RGS7: variants seen among roughly 807,000 people sequenced by gnomAD.
RGS7 encodes the protein regulator of G-protein signaling 7.
Under a neutral mutation model 81.1 loss-of-function variants are expected in RGS7, and 27 were observed. The observed-to-expected ratio is 0.33, with a 90% CI of 0.25 to 0.46. The LOEUF is 0.46. Ranked by LOEUF, RGS7 falls within the 20% of genes least tolerant of loss-of-function variation. RGS7 has a pLI of 1.00. For synonymous variants in RGS7, 208 were observed against 207.7 expected, an observed-to-expected ratio of 1.00 and a Z score of -0.01; for missense variants, 396 against 607.4, an observed-to-expected ratio of 0.65 and a Z score of 3.66.
intron 2 of RGS7, among the ~76,000 whole-genome samples, chr1:241,103,571 A>G (rs1420947912): frequency 1.3e-5 from 2 of 152,218 alleles, no homozygotes; most frequent in Non-Finnish European, 2.9e-5. Context: ...AGATGAAGCT[A>G]TTAAATTAAA....
At chr1:240,916,422 C>G (rs185754915) in intron 6 of RGS7, among the ~76,000 whole-genome samples, 19 of 152,140 alleles carry the variant, frequency 1.2e-4, no homozygotes, top group African/African-American at 4.6e-4. Context: ...ATATTTGAAG[C>G]AATAATAACT....
chr1:240,805,327 C>T (rs115673351), intron 15 of RGS7, among the ~76,000 whole-genome samples: 8,197 of 152,128 alleles, frequency 0.054, 720 homozygotes, highest in African/African-American at 0.18. Flanking sequence ...AAGGCTATAG[C>T]GAGCCATGAT....
intron 9 of RGS7, among the ~76,000 whole-genome samples, chr1:240,866,540 A>C (rs1460981426): frequency 1.4e-5 from 2 of 147,710 alleles, no homozygotes; most frequent in African/African-American, 2.5e-5. Context: ...TCAACAAGGG[A>C]GATGGAGCCA....
chr1:240,924,456 T>C (rs1462235968), intron 6 of RGS7, among the ~76,000 whole-genome samples: 1 of 152,316 alleles, frequency 6.6e-6, no homozygotes, highest in Non-Finnish European at 1.5e-5. Context: ...GATAATGCGA[T>C]GTTTTGAACA....
At chr1:241,161,986 G>A (rs1472432404) in intron 2 of RGS7, among the ~76,000 whole-genome samples, 1 of 151,988 alleles carries the variant, frequency 6.6e-6, no homozygotes, top group Non-Finnish European at 1.5e-5. Flanking sequence ...CAAAGTGCTG[G>A]GATTACAGGC....
At chr1:240,800,479 C>A (rs1445913171) in intron 18 of RGS7, among the ~76,000 whole-genome samples, 162 bp downstream of exon 18, 1 of 152,144 alleles carries the variant, frequency 6.6e-6, no homozygotes, top group Non-Finnish European at 1.5e-5. Flanking sequence ...AAGCCATTAT[C>A]TTTGTTGAAT....
intron 9 of RGS7, among the ~76,000 whole-genome samples, chr1:240,827,492 T>G (rs1010099150): frequency 9.2e-5 from 14 of 151,886 alleles, no homozygotes; most frequent in African/African-American, 3.4e-4. Context: ...ACAGACAGAG[T>G]GAGGGCACTC....
In RGS7 at chr1:241,124,658, G is replaced by A. The variant is rs762829839; in HGVS notation, c.79-25896C>T. Among the ~76,000 whole-genome samples the A allele has an allele frequency of 1.5e-4, 23 of 152,236 alleles. 1 individual carries two copies. Among genetic ancestry groups the A allele is most frequent in the Non-Finnish European group, 1.5e-5 (1 of 68,044 alleles). On this transcript the variant is annotated intron_variant, in intron 2 of 18. Transcript: ENST00000440928. ...TTAGAACCATTCTGGGCTTCCTGCA[G>A]AGTGGTGTCTGCTGGGACCTGAATC...
At chr1:241,243,481 G>C (rs548906550) in intron 2 of RGS7, among the ~76,000 whole-genome samples, 1 of 152,264 alleles carries the variant, frequency 6.6e-6, no homozygotes, top group African/African-American at 2.4e-5. Context: ...ATGACTATGG[G>C]GGAGAGAAAT....
intron 4 of RGS7, among the ~76,000 whole-genome samples, chr1:240,951,913 A>G (rs1679627411): frequency 6.6e-6 from 1 of 152,190 alleles, no homozygotes; most frequent in African/African-American, 2.4e-5. Flanking sequence ...CTATAGAGAA[A>G]CAAAAATATG....
At chr1:241,070,852 T>G (rs1463615668) in intron 3 of RGS7, among the ~76,000 whole-genome samples, 1 of 152,174 alleles carries the variant, frequency 6.6e-6, no homozygotes, top group Non-Finnish European at 1.5e-5. Context: ...GAATCCACCA[T>G]AAGAACATGA....
At chr1:240,904,064 G>A (rs746763878) in intron 6 of RGS7, among the ~76,000 whole-genome samples, 5 of 152,130 alleles carry the variant, frequency 3.3e-5, no homozygotes, top group Non-Finnish European at 5.9e-5. Context: ...TAATTACAAC[G>A]GTGGCATCTG....
At chr1:241,117,381 A>G (rs1189320335) in intron 2 of RGS7, among the ~76,000 whole-genome samples, 1 of 152,168 alleles carries the variant, frequency 6.6e-6, no homozygotes, top group African/African-American at 2.4e-5. Context: ...TCTATATGGC[A>G]GTTGTTGAAA....
chr1:241,256,871 T>C (rs2077072774), intron 2 of RGS7, among the ~76,000 whole-genome samples: 1 of 151,894 alleles, frequency 6.6e-6, no homozygotes, highest in Non-Finnish European at 1.5e-5. Context: ...CAAGGATATT[T>C]GTCAACTTCT....
chr1:240,782,572 A>G (rs1261862356), intron 18 of RGS7, among the ~76,000 whole-genome samples: 2 of 151,748 alleles, frequency 1.3e-5, no homozygotes, highest in Non-Finnish European at 2.9e-5. Flanking sequence ...ACAGGTGTGC[A>G]CCACCACACC....
chr1:240,866,050 A>T (rs902483300), intron 9 of RGS7, among the ~76,000 whole-genome samples: 4 of 152,218 alleles, frequency 2.6e-5, no homozygotes, highest in Non-Finnish European at 4.4e-5. Context: ...AGTGCCTGAG[A>T]TCACTTCAAA....
chr1:241,296,741 T>C (rs2079448181), intron 2 of RGS7, among the ~76,000 whole-genome samples: 1 of 152,242 alleles, frequency 6.6e-6, no homozygotes, highest in Non-Finnish European at 1.5e-5. Flanking sequence ...TTTCAGACAC[T>C]GCTGTGTGGG....
At chr1:241,249,407 T>G (rs1478803921) in intron 2 of RGS7, among the ~76,000 whole-genome samples, 4 of 152,246 alleles carry the variant, frequency 2.6e-5, no homozygotes, top group South Asian at 2.1e-4. Flanking sequence ...GTCATCTATT[T>G]CTAGACTACT....
At chr1:241,249,211 A>C (rs1558235906) in intron 2 of RGS7, among the ~76,000 whole-genome samples, 1 of 151,234 alleles carries the variant, frequency 6.6e-6, no homozygotes, top group Non-Finnish European at 1.5e-5. Flanking sequence ...GGACTCTAAG[A>C]TTTTCTTCTA....
Sources: gnomAD v4.1 joint callset for allele counts (sites outside exome capture counted in the v4.1 genomes callset) on GRCh38, gnomAD v4.1.1 for gene constraint, MANE v1.5 for transcripts, NCBI Gene and HGNC (gene_info 2026-07-23, HGNC 2026-07-21) for gene names.